Variants in PARP4 observed in about 807,000 individuals in gnomAD.
PARP4 encodes the protein protein mono-ADP-ribosyltransferase PARP4.
In PARP4, 120 loss-of-function variants were observed where a neutral mutation model predicts 187.7. The observed-to-expected ratio is 0.64, with a 90% CI of 0.55 to 0.74. The LOEUF (loss-of-function observed/expected upper bound fraction) is 0.74. PARP4 is among the 30% of genes least tolerant of loss of function. PARP4 has a pLI of 0.00. For synonymous variants in PARP4, 654 were observed against 740.9 expected, an observed-to-expected ratio of 0.88 and a Z score of 1.90; for missense variants, 1,836 against 2,070.5, an observed-to-expected ratio of 0.89 and a Z score of 2.20.
intron 30 of PARP4, among the ~76,000 whole-genome samples, chr13:24,440,400 AAAAAAAAAAAATTAAAATT>A (rs1261408082): frequency 8.3e-6 from 1 of 120,202 alleles, no homozygotes; most frequent in East Asian, 2.4e-4. Context: ...TCTATCTCAA[AAAAAAAAAAAATTAAAATT>A]AAAAAAAAAA....
intron 33 of PARP4, among the ~76,000 whole-genome samples, chr13:24,424,430 T>C (rs1295252011): frequency 6.6e-6 from 1 of 152,176 alleles, no homozygotes; most frequent in Non-Finnish European, 1.5e-5. Context: ...GCTGACTGCA[T>C]TTCCATGGTG....
At chr13:24,503,397 T>C (rs1334469167) in intron 2 of PARP4, among the ~76,000 whole-genome samples, 3 of 152,212 alleles carry the variant, frequency 2.0e-5, no homozygotes, top group African/African-American at 7.2e-5. Context: ...TGTGCTCTAG[T>C]AATATCCTGC....
At chr13:24,480,685 CA>C (rs1873228451) in intron 12 of PARP4, among the ~76,000 whole-genome samples, 1 of 152,192 alleles carries the variant, frequency 6.6e-6, no homozygotes, top group African/African-American at 2.4e-5. Flanking sequence ...AAGCCTAATC[CA>C]GAGCAAGGCC....
At chr13:24,422,037 C>G (rs1323793812) in intron 33 of PARP4, among the ~76,000 whole-genome samples, 1 of 150,004 alleles carries the variant, frequency 6.7e-6, no homozygotes, top group Non-Finnish European at 1.5e-5. Flanking sequence ...TTTGAAAATT[C>G]TCTCCCTGTT....
At chr13:24,477,937 A>G in intron 13 of PARP4, 80 bp from the exon 14 acceptor site, 1 of 1,164,198 alleles carries the variant, frequency 8.6e-7, no homozygotes, top group Non-Finnish European at 1.2e-6. Flanking sequence ...TCATAAAAGC[A>G]TGTTTGCTAA....
At position 24,477,723 on chromosome 13, in the gene PARP4, A is replaced by T. The variant is rs143058070; in HGVS notation, c.1767T>A (p.Phe589Leu). ...HTELEEYRPE[F>L]SNFSKVEDYQ... Reference sequence around the variant, plus strand: ...TACCTTCAACCTTTGAAAAATTTGAAAACTCAGGTCTGTATTCCTCTAATT... The same window carrying T: ...TACCTTCAACCTTTGAAAAATTTGATAACTCAGGTCTGTATTCCTCTAATT... Residue 589 changes from phenylalanine (F) to leucine (L), a missense_variant, in exon 14 of 34, where the codon TTT (phenylalanine) becomes TTA (leucine). By Grantham distance (22) the Phe-to-Leu change is conservative. Transcript: ENST00000381989. The T allele has an allele frequency of 1.8e-4, 291 of 1,586,392 alleles. No homozygotes were observed. In the African/African-American group the frequency reaches 3.7e-3, roughly 20 times the overall value.
intron 33 of PARP4, among the ~76,000 whole-genome samples, chr13:24,425,143 A>T (rs1869960613): frequency 6.6e-6 from 1 of 152,070 alleles, no homozygotes; most frequent in Non-Finnish European, 1.5e-5. Flanking sequence ...CTTTACAAAA[A>T]TACCAAAATT....
Position 24,459,307 on chromosome 13 carries a change from T to C in PARP4, c.2302A>G (p.Thr768Ala), listed in dbSNP as rs1593613402. ...TCTTTTATACAAATCTTCTCTACTG[T>C]ATCCTGTTAAAAGAAAAATACATTT... ...DKALNENLQD[T>A]VEKICIKEIG... Residue 768 changes from threonine (T) to alanine (A), a missense_variant, in exon 19 of 34, where the codon ACA becomes GCA. Transcript: ENST00000381989. 1.9e-6 allele frequency: 3 copies of C among 1,555,356 alleles called. No individual in the cohort carries two copies. The highest frequency in any genetic ancestry group is 2.6e-6 in the Non-Finnish European group (3 of 1,143,328).
chr13:24,442,617 A>G lies in PARP4; in HGVS notation c.3516T>C (p.Phe1172=), dbSNP rs764490911. Residue 1172 remains phenylalanine, a synonymous_variant, in exon 29 of 34, where the codon TTT becomes TTC. Transcript: ENST00000381989. ...LSKENSLITQ[F]TSFVAVEKRD... ...TTTTCTCAACTGCCACAAAGCTTGT[A>G]AATTGTGTTATGAGAGAGTTTTCTT... 6.3e-7 allele frequency: 1 copy of G among 1,596,008 alleles called. No individual in the cohort carries two copies. The highest frequency in any genetic ancestry group is 8.6e-7 in the Non-Finnish European group (1 of 1,163,594).
At chr13:24,454,884 CTT>C in intron 22 of PARP4, 131 bp downstream of exon 22, 1 of 656,622 alleles carries the variant, frequency 1.5e-6, no homozygotes, top group East Asian at 2.8e-5. Context: ...CTCCAGAGCT[CTT>C]GTTCTTCAAT....
intron 28 of PARP4, 100 bp downstream of exon 28, chr13:24,443,550 T>C: frequency 2.6e-6 from 2 of 778,898 alleles, no homozygotes; most frequent in South Asian, 1.6e-5. Flanking sequence ...CCAGTCTCCT[T>C]CTCCACGCAG....
At chr13:24,495,491 T>C (rs1473523092) in intron 6 of PARP4, among the ~76,000 whole-genome samples, 1 of 152,106 alleles carries the variant, frequency 6.6e-6, no homozygotes, top group East Asian at 1.9e-4. Flanking sequence ...AGTTATTAGG[T>C]CATGCACATG....
intron 17 of PARP4, among the ~76,000 whole-genome samples, chr13:24,462,815 C>T (rs1872273898): frequency 6.6e-6 from 1 of 152,118 alleles, no homozygotes; most frequent in African/African-American, 2.4e-5. Context: ...AATGAATGAA[C>T]TTGAACCTAG....
chr13:24,443,795 C>G, intron 27 of PARP4, 65 bp from the exon 28 acceptor site: 1 of 1,116,596 alleles, frequency 9.0e-7, no homozygotes, highest in Non-Finnish European at 1.4e-6. Flanking sequence ...TTGCAAAGAA[C>G]ATCATTTTAA....
Position 24,452,464 on chromosome 13 carries a change from T to G in PARP4, c.2956A>C (p.Thr986Pro), listed in dbSNP as rs1198838503. The change falls in exon 24 of 34, where the codon ACA becomes CCA. Residue 986 changes from threonine (T) to proline (P), a missense_variant. Thr to Pro is a conservative substitution (Grantham distance 38, BLOSUM62 -1). Around this residue, in one of 8 missense-constraint regions of PARP4, gnomAD observed 1,147 missense variants for 1,214.2 expected, o/e 0.94. Transcript: ENST00000381989. ...SDGHLQDESLTLQLVKRSRPH... is the reference protein window; with the variant it reads ...SDGHLQDESLPLQLVKRSRPH... Reference sequence around the variant, plus strand: ...CGGCTCCTCTTCACGAGCTGTAATGTCAGGCTCTCATCCTGGAGGTGCCCA... The same window carrying G: ...CGGCTCCTCTTCACGAGCTGTAATGGCAGGCTCTCATCCTGGAGGTGCCCA... 4.3e-6 allele frequency: 7 copies of G among 1,614,040 alleles called. No individual in the cohort carries two copies. In the African/African-American group the frequency reaches 8.0e-5, roughly 18 times the overall value.
intron 12 of PARP4, among the ~76,000 whole-genome samples, chr13:24,480,884 T>C (rs1276068126): frequency 2.6e-5 from 4 of 152,244 alleles, no homozygotes; most frequent in African/African-American, 9.6e-5. Flanking sequence ...GCTAAGATCA[T>C]TGATGCAGGT....
intron 1 of PARP4, among the ~76,000 whole-genome samples, chr13:24,507,110 C>CCGCCCAGCCCA (rs1184690001): frequency 3.3e-5 from 5 of 152,220 alleles, no homozygotes; most frequent in African/African-American, 1.2e-4. Flanking sequence ...AGTGCGGGGA[C>CCGCCCAGCCCA]CGCCCAGCCC....
intron 5 of PARP4, 92 bp downstream of exon 5, chr13:24,499,209 A>G: frequency 7.3e-7 from 1 of 1,368,824 alleles, no homozygotes; most frequent in Non-Finnish European, 9.6e-7. Context: ...TTTCAAAACA[A>G]TGAGAAAATG....
chr13:24,429,120 A>G (rs1870206706), intron 32 of PARP4, among the ~76,000 whole-genome samples: 1 of 152,076 alleles, frequency 6.6e-6, no homozygotes, highest in Admixed American at 6.6e-5. Context: ...AGCTCATTCA[A>G]TGACCTTTTC....
Sources: allele counts gnomAD v4.1 joint callset (sites outside exome capture counted in the v4.1 genomes callset), GRCh38; gene constraint gnomAD v4.1.1; regional missense constraint gnomAD v4.1.1; transcripts MANE v1.5; gene names NCBI Gene and HGNC (gene_info 2026-07-23, HGNC 2026-07-21).